Variants in SLC2A9 observed in about 807,000 individuals in gnomAD.
SLC2A9 encodes solute carrier family 2, facilitated glucose transporter member 9.
Under a neutral mutation model 50.6 loss-of-function variants are expected in SLC2A9, and 39 were observed. The ratio of observed to expected loss-of-function variants is 0.77; its 90% CI spans 0.60 to 1.01. The LOEUF is 1.01. SLC2A9 is among the 50% of genes least tolerant of loss of function. SLC2A9 has a pLI of 0.00. For missense variants in SLC2A9, 686 were observed against 677.6 expected (o/e 1.01, Z -0.14); for synonymous variants, 324 against 276.9 (o/e 1.17, Z -1.69).
downstream of SLC2A9, among the ~76,000 whole-genome samples, chr4:9,795,766 C>A (rs1459658527): frequency 6.6e-6 from 1 of 152,204 alleles, no homozygotes; most frequent in Non-Finnish European, 1.5e-5. Flanking sequence ...GGGCACAGGT[C>A]CTTTGTCCCT....
intron 5 of SLC2A9, among the ~76,000 whole-genome samples, chr4:9,945,564 G>C (rs938531279): frequency 2.0e-5 from 3 of 152,200 alleles, no homozygotes; most frequent in South Asian, 4.1e-4. Flanking sequence ...GGTCATAGAG[G>C]CATGACTGGC....
intron 10 of SLC2A9, among the ~76,000 whole-genome samples, chr4:9,838,016 T>C (rs1449610487): frequency 6.6e-6 from 1 of 152,222 alleles, no homozygotes; most frequent in Non-Finnish European, 1.5e-5. Flanking sequence ...GGGATATTTG[T>C]GAGCATGAAA....
At chr4:9,795,105 G>A (rs1246446575), downstream of SLC2A9, among the ~76,000 whole-genome samples, 14 of 145,032 alleles carry the variant, frequency 9.7e-5, no homozygotes, top group South Asian at 4.4e-4. Context: ...TCCATCTCCC[G>A]GGTTCAAGCA....
intron 10 of SLC2A9, among the ~76,000 whole-genome samples, chr4:9,874,657 T>C (rs1254342110): frequency 6.6e-6 from 1 of 152,222 alleles, no homozygotes; most frequent in African/African-American, 2.4e-5. Flanking sequence ...GTTTTGCTTG[T>C]GAGTTGATGT....
At chr4:9,895,364 T>C (rs1054806398) in intron 8 of SLC2A9, among the ~76,000 whole-genome samples, 1 of 152,214 alleles carries the variant, frequency 6.6e-6, no homozygotes, top group African/African-American at 2.4e-5. Context: ...CTGTTCTTCT[T>C]CCCTCCCTCC....
chr4:9,803,373 C>A (rs1476444075), intron 3 of SLC2A9, among the ~76,000 whole-genome samples: 1 of 152,252 alleles, frequency 6.6e-6, no homozygotes, highest in Non-Finnish European at 1.5e-5. Context: ...TGTCATTTAT[C>A]TACCAAGAAC....
At chr4:9,781,631 C>G (rs954180082) in intron 3 of SLC2A9, 2 of 171,008 alleles carry the variant, frequency 1.2e-5, no homozygotes, top group African/African-American at 4.7e-5. Flanking sequence ...GCGGCAGCGC[C>G]TCAGTGCCAG....
intron 2 of SLC2A9, among the ~76,000 whole-genome samples, chr4:10,000,794 C>A (rs559400825): frequency 1.3e-5 from 2 of 152,292 alleles, no homozygotes; most frequent in East Asian, 3.9e-4. Flanking sequence ...GCCTGTACCT[C>A]TGCCCCTGAA....
At chr4:10,007,444 C>T (rs1273930109) in intron 2 of SLC2A9, among the ~76,000 whole-genome samples, 1 of 152,234 alleles carries the variant, frequency 6.6e-6, no homozygotes, top group African/African-American at 2.4e-5. Context: ...AACAGCCAGG[C>T]AAGTAAGGCT....
At chr4:9,857,506 A>C (rs917798957) in intron 10 of SLC2A9, among the ~76,000 whole-genome samples, 1 of 152,156 alleles carries the variant, frequency 6.6e-6, no homozygotes, top group East Asian at 1.9e-4. Context: ...GCTGTCCCAC[A>C]TCCACCTGCC....
intron 10 of SLC2A9, among the ~76,000 whole-genome samples, chr4:9,876,026 T>A (rs1013602904): frequency 6.6e-6 from 1 of 152,204 alleles, no homozygotes; most frequent in African/African-American, 2.4e-5. Context: ...CGGAAATGAA[T>A]CTCTGCCATG....
chr4:9,814,858 G>C (rs1336709795), intron 3 of SLC2A9, among the ~76,000 whole-genome samples: 1 of 152,028 alleles, frequency 6.6e-6, no homozygotes, highest in Non-Finnish European at 1.5e-5. Flanking sequence ...TTACACGTAG[G>C]CATGTACTGG....
Position 9,835,025 on chromosome 4 carries a change from A to G in SLC2A9, c.1292-17T>C. 6.2e-7 allele frequency: 1 copy of G among 1,612,778 alleles called. No homozygotes were observed. The highest frequency in any genetic ancestry group is 8.5e-7 in the Non-Finnish European group (1 of 1,179,892). On this transcript the variant is annotated splice_polypyrimidine_tract_variant and intron_variant, in intron 10 of 11. Coordinates refer to ENST00000264784, the MANE Select transcript of SLC2A9 (RefSeq NM_020041.3). Reference sequence around the variant, plus strand: ...GGATGCCACCTGCAGTGTGTGAGCCAGGACATGGAATTAATCACTCTGAGA... The same window carrying G: ...GGATGCCACCTGCAGTGTGTGAGCCGGGACATGGAATTAATCACTCTGAGA...
At chr4:9,915,085 T>C (rs1742611433) in intron 7 of SLC2A9, among the ~76,000 whole-genome samples, 1 of 152,122 alleles carries the variant, frequency 6.6e-6, no homozygotes, top group South Asian at 2.1e-4. Context: ...TGATTGAGGC[T>C]CAGAGGGGTG....
At chr4:9,870,537 A>G (rs902352015) in intron 10 of SLC2A9, among the ~76,000 whole-genome samples, 2 of 152,230 alleles carry the variant, frequency 1.3e-5, no homozygotes, top group African/African-American at 4.8e-5. Context: ...ATTTGCTTGG[A>G]CTGCTTCTGA....
At chr4:9,943,973 TC>T (rs910039764) in intron 5 of SLC2A9, among the ~76,000 whole-genome samples, 1 of 152,206 alleles carries the variant, frequency 6.6e-6, no homozygotes, top group African/African-American at 2.4e-5. Context: ...TGCTGAGGCC[TC>T]CCAGCCAGGA....
chr4:9,938,551 G>A (rs558252704), intron 6 of SLC2A9, among the ~76,000 whole-genome samples: 29 of 152,244 alleles, frequency 1.9e-4, no homozygotes, highest in South Asian at 2.1e-4. Context: ...GATTACAGGC[G>A]TGAGCCACTG....
At chr4:9,877,283 C>T (rs1297729752) in intron 10 of SLC2A9, among the ~76,000 whole-genome samples, 1 of 152,176 alleles carries the variant, frequency 6.6e-6, no homozygotes, top group Non-Finnish European at 1.5e-5. Context: ...GCCTAAGCAC[C>T]CCATCCCAGG....
downstream of SLC2A9, among the ~76,000 whole-genome samples, chr4:9,776,251 A>G (rs2108827775): frequency 6.6e-6 from 1 of 151,516 alleles, no homozygotes; most frequent in Middle Eastern, 3.4e-3. Flanking sequence ...CCAAAAGCAC[A>G]ATAATTAAAT....
Sources: gnomAD v4.1 joint callset for allele counts (sites outside exome capture counted in the v4.1 genomes callset) on GRCh38, gnomAD v4.1.1 for gene constraint, MANE v1.5 for transcripts, NCBI Gene and HGNC (gene_info 2026-07-23, HGNC 2026-07-21) for gene names.